Variants in EGFLAM observed in about 807,000 individuals in gnomAD.
EGFLAM encodes EGF like, fibronectin type III and laminin G domains.
EGFLAM carries 79 observed loss-of-function variants against 113.1 expected under a neutral mutation model. The observed-to-expected ratio is 0.70, with a 90% CI of 0.58 to 0.84. The LOEUF (loss-of-function observed/expected upper bound fraction) is 0.84, where lower values mean the gene tolerates loss of function less well. EGFLAM is among the 40% of genes least tolerant of loss of function. The pLI is 0.00. For synonymous variants in EGFLAM, 504 were observed against 487.6 expected (o/e 1.03, Z -0.44); for missense variants, 1,265 against 1,291.6 (o/e 0.98, Z 0.32).
At chr5:38,327,930 C>CT (rs1365117612) in intron 1 of EGFLAM, among the ~76,000 whole-genome samples, 1 of 152,178 alleles carries the variant, frequency 6.6e-6, no homozygotes, top group Non-Finnish European at 1.5e-5. Context: ...GGTGATACAC[C>CT]ATACTTGGCC....
intron 5 of EGFLAM, among the ~76,000 whole-genome samples, chr5:38,364,179 T>C (rs947068159): frequency 3.9e-5 from 6 of 152,160 alleles, no homozygotes; most frequent in Non-Finnish European, 7.3e-5. Flanking sequence ...GTGAAAAACA[T>C]GCAAGAGATT....
chr5:38,435,383 T>G, intron 16 of EGFLAM, 130 bp downstream of exon 16: 1 of 729,730 alleles, frequency 1.4e-6, no homozygotes, highest in Non-Finnish European at 2.2e-6. Flanking sequence ...TTTTAAAAAT[T>G]TCTATTTTAA....
At chr5:38,336,265 AAAAC>A (rs1739178557) in intron 1 of EGFLAM, among the ~76,000 whole-genome samples, 1 of 152,226 alleles carries the variant, frequency 6.6e-6, no homozygotes, top group Non-Finnish European at 1.5e-5. Flanking sequence ...TATATATAAC[AAAAC>A]AATTTAAAAA....
intron 5 of EGFLAM, among the ~76,000 whole-genome samples, chr5:38,360,575 T>A (rs981456561): frequency 3.0e-4 from 46 of 152,214 alleles, no homozygotes; most frequent in African/African-American, 9.7e-4. Context: ...ACTTCTAAGC[T>A]GTGTGATCTT....
chr5:38,354,901 A>T (rs1046052135), intron 5 of EGFLAM, among the ~76,000 whole-genome samples: 48 of 152,340 alleles, frequency 3.2e-4, no homozygotes, highest in African/African-American at 1.1e-3. Flanking sequence ...CCTTGTGTGC[A>T]CACCTGAAAG....
intron 3 of EGFLAM, among the ~76,000 whole-genome samples, chr5:38,342,948 C>G (rs1356391737): frequency 1.3e-5 from 2 of 152,240 alleles, no homozygotes; most frequent in African/African-American, 4.8e-5. Flanking sequence ...TTGCTGTCCC[C>G]GGCGATGCAC....
At chr5:38,394,568 C>T (rs980570581) in intron 6 of EGFLAM, among the ~76,000 whole-genome samples, 1 of 151,916 alleles carries the variant, frequency 6.6e-6, no homozygotes, top group Non-Finnish European at 1.5e-5. Context: ...CGCCACCACG[C>T]CCGGCTAATT....
intron 1 of EGFLAM, among the ~76,000 whole-genome samples, chr5:38,326,581 C>T (rs1303750084): frequency 6.6e-6 from 1 of 152,020 alleles, no homozygotes; most frequent in Non-Finnish European, 1.5e-5. Flanking sequence ...TCACTGCAAG[C>T]TCTGCCTCCC....
In EGFLAM at chr5:38,465,465, A is replaced by G. The variant is rs1561112858; in HGVS notation, c.*1479A>G. Among the ~76,000 whole-genome samples the G allele has an allele frequency of 2.0e-5, 3 of 152,252 alleles. No individual in the cohort carries two copies. The highest frequency in any genetic ancestry group is 2.9e-5 in the Non-Finnish European group (2 of 68,046). ...CATAATGTAATTCTAAAAGATGAAT[A>G]AACTAGAGAGGTTCACTTTGTGCCC... On this transcript the variant is annotated 3_prime_UTR_variant, in exon 22 of 22. Coordinates refer to ENST00000322350, the MANE Select transcript of EGFLAM (RefSeq NM_152403.4).
At chr5:38,459,652 A>G (rs1190522460) in intron 20 of EGFLAM, among the ~76,000 whole-genome samples, 3 of 152,162 alleles carry the variant, frequency 2.0e-5, no homozygotes, top group African/African-American at 7.2e-5. Flanking sequence ...GGGTAAAGTC[A>G]TGAGTGAGGC....
intron 10 of EGFLAM, 95 bp downstream of exon 10, chr5:38,409,199 G>C (rs1741392368): frequency 1.1e-6 from 1 of 930,176 alleles, no homozygotes; most frequent in Non-Finnish European, 1.6e-6. Flanking sequence ...TACAGGATAG[G>C]TTCTAGTAGA....
chr5:38,275,165 G>A (rs562794581), intron 1 of EGFLAM, among the ~76,000 whole-genome samples: 1 of 152,258 alleles, frequency 6.6e-6, no homozygotes, highest in South Asian at 2.1e-4. Context: ...AATATGGTAA[G>A]AAAAGATGGA....
At chr5:38,398,328 A>G (rs77396415) in intron 6 of EGFLAM, among the ~76,000 whole-genome samples, 22,564 of 151,954 alleles carry the variant, frequency 0.15, 1,861 homozygotes, top group Non-Finnish European at 0.17. Context: ...TTTGGGTGGT[A>G]CAACAGAAAC....
At chr5:38,288,575 G>A (rs1234690905) in intron 1 of EGFLAM, among the ~76,000 whole-genome samples, 2 of 152,076 alleles carry the variant, frequency 1.3e-5, no homozygotes, top group Non-Finnish European at 2.9e-5. Flanking sequence ...GGAGTTTTGA[G>A]CTCCTAACGC....
chr5:38,448,711 A>C (rs1742807079), intron 18 of EGFLAM, among the ~76,000 whole-genome samples: 1 of 152,174 alleles, frequency 6.6e-6, no homozygotes, highest in Admixed American at 6.5e-5. Flanking sequence ...TGAGAATGTG[A>C]TGTTCCTGAA....
At chr5:38,358,097 A>G (rs1007918800) in intron 5 of EGFLAM, among the ~76,000 whole-genome samples, 6 of 151,310 alleles carry the variant, frequency 4.0e-5, no homozygotes, top group African/African-American at 1.5e-4. Flanking sequence ...ACAATGAGCT[A>G]TAATTGTGCC....
intron 1 of EGFLAM, among the ~76,000 whole-genome samples, chr5:38,326,801 A>AT (rs377427126): frequency 0.12 from 16,551 of 134,594 alleles, 1,162 homozygotes; most frequent in East Asian, 0.17. Context: ...CCGTAAGGGT[A>AT]TTTTTTTTTT....
chr5:38,367,022 C>G (rs1165426754), intron 5 of EGFLAM, among the ~76,000 whole-genome samples: 2 of 152,162 alleles, frequency 1.3e-5, no homozygotes, highest in Non-Finnish European at 1.5e-5. Context: ...CTGAATTCAC[C>G]TGCCCAGCAA....
chr5:38,388,324 A>G (rs570238036), intron 6 of EGFLAM, among the ~76,000 whole-genome samples: 2 of 152,276 alleles, frequency 1.3e-5, no homozygotes, highest in Middle Eastern at 3.4e-3. Flanking sequence ...TGTCCGATCA[A>G]AAAATGCAAA....
Sources: allele counts gnomAD v4.1 joint callset (sites outside exome capture counted in the v4.1 genomes callset), GRCh38; gene constraint gnomAD v4.1.1; transcripts MANE v1.5; gene names NCBI Gene and HGNC (gene_info 2026-07-23, HGNC 2026-07-21).